The following LRRC8C variants were observed in gnomAD, a reference collection of about 807,000 sequenced individuals.
The protein encoded by LRRC8C is leucine rich repeat containing 8 VRAC subunit C.
LRRC8C carries 20 observed loss-of-function variants against 55.3 expected under a neutral mutation model. The observed-to-expected ratio is 0.36, with a 90% CI of 0.25 to 0.53. The LOEUF (loss-of-function observed/expected upper bound fraction) is 0.53. Ranked by LOEUF, LRRC8C falls within the 20% of genes least tolerant of loss-of-function variation. The pLI is 0.92. For missense variants in LRRC8C, 659 were observed against 951.4 expected (o/e 0.69, Z 4.04); for synonymous variants, 376 against 360.7 (o/e 1.04, Z -0.48).
chr1:89,661,745 T>C (rs1657129491), intron 1 of LRRC8C, among the ~76,000 whole-genome samples: 2 of 152,158 alleles, frequency 1.3e-5, no homozygotes, highest in Admixed American at 1.3e-4. Flanking sequence ...ATATAGTATG[T>C]TCAAAGGTGT....
At chr1:89,687,504 A>C (rs1167663402) in intron 2 of LRRC8C, among the ~76,000 whole-genome samples, 1 of 152,210 alleles carries the variant, frequency 6.6e-6, no homozygotes, top group East Asian at 1.9e-4. Context: ...AGCTGAAGCC[A>C]TGCTTGCAAA....
At chr1:89,682,101 C>T (rs1036267866) in intron 1 of LRRC8C, among the ~76,000 whole-genome samples, 5 of 152,010 alleles carry the variant, frequency 3.3e-5, no homozygotes, top group Non-Finnish European at 5.9e-5. Flanking sequence ...GGCGTGAACC[C>T]GGGAGGCGGA....
At chr1:89,639,519 T>TC (rs1171843469) in intron 1 of LRRC8C, among the ~76,000 whole-genome samples, 1 of 152,024 alleles carries the variant, frequency 6.6e-6, no homozygotes, top group Non-Finnish European at 1.5e-5. Flanking sequence ...CATGCTCCCT[T>TC]CCCCCCCAAC....
At chr1:89,691,708 A>G (rs1314019066) in intron 2 of LRRC8C, among the ~76,000 whole-genome samples, 2 of 152,298 alleles carry the variant, frequency 1.3e-5, no homozygotes, top group East Asian at 3.9e-4. Flanking sequence ...TGAGATTCCA[A>G]TCTTAGGCTG....
chr1:89,632,484 T>G (rs1656133957), upstream of LRRC8C, among the ~76,000 whole-genome samples: 1 of 151,994 alleles, frequency 6.6e-6, no homozygotes, highest in South Asian at 2.1e-4. Flanking sequence ...GGATATTGGG[T>G]TTTGCTTTTC....
intron 1 of LRRC8C, among the ~76,000 whole-genome samples, chr1:89,682,403 C>T (rs1657740809): frequency 3.3e-5 from 5 of 152,182 alleles, no homozygotes; most frequent in Admixed American, 2.6e-4. Context: ...CAGAGAACCT[C>T]ACCTGTTGTG....
chr1:89,683,617 A>G (rs1466496640), intron 1 of LRRC8C, among the ~76,000 whole-genome samples: 1 of 152,122 alleles, frequency 6.6e-6, no homozygotes, highest in Non-Finnish European at 1.5e-5. Context: ...TGGCCTCTCA[A>G]AGTGCTGGGA....
At chr1:89,702,007 A>G (rs1658343361) in intron 2 of LRRC8C, among the ~76,000 whole-genome samples, 1 of 152,132 alleles carries the variant, frequency 6.6e-6, no homozygotes, top group African/African-American at 2.4e-5. Flanking sequence ...CTCACTCCCA[A>G]AAAGAAGCTG....
the LRRC8C span, among the ~76,000 whole-genome samples, chr1:89,620,600 A>G: frequency 7.1e-6 from 1 of 140,616 alleles, no homozygotes; most frequent in African/African-American, 2.6e-5. Context: ...AAAAAAAAAT[A>G]GGCGATTTCC....
intron 1 of LRRC8C, among the ~76,000 whole-genome samples, chr1:89,644,884 G>A (rs754801961): frequency 2.0e-5 from 3 of 152,180 alleles, no homozygotes; most frequent in Non-Finnish European, 2.9e-5. Context: ...AGACAGTTTA[G>A]TTTCAGTATA....
chr1:89,670,495 A>G (rs965506510), intron 1 of LRRC8C, among the ~76,000 whole-genome samples: 2 of 152,094 alleles, frequency 1.3e-5, no homozygotes, highest in Non-Finnish European at 2.9e-5. Flanking sequence ...TTTTCTTTCT[A>G]TAATCATAGC....
intron 1 of LRRC8C, among the ~76,000 whole-genome samples, chr1:89,638,487 T>G (rs201258065): frequency 2.1e-5 from 3 of 146,190 alleles, no homozygotes; most frequent in Non-Finnish European, 3.0e-5. Context: ...TGTCCCCCGC[T>G]TGAGAACACA....
intron 1 of LRRC8C, among the ~76,000 whole-genome samples, chr1:89,673,562 C>T (rs1234811275): frequency 6.6e-6 from 1 of 152,158 alleles, no homozygotes; most frequent in Non-Finnish European, 1.5e-5. Context: ...CTTTATATTT[C>T]TTCCTCTACT....
chr1:89,686,051 GC>G (rs1331490197), intron 1 of LRRC8C, among the ~76,000 whole-genome samples: 3,110 of 119,818 alleles, frequency 0.026, 109 homozygotes, highest in African/African-American at 0.099. Flanking sequence ...ATGGTTTAAA[GC>G]AAAAAAAAAA....
At chr1:89,704,375 T>C (rs1449870626) in intron 2 of LRRC8C, among the ~76,000 whole-genome samples, 1 of 152,170 alleles carries the variant, frequency 6.6e-6, no homozygotes, top group Non-Finnish European at 1.5e-5. Flanking sequence ...CAGTAAATTA[T>C]AGCACATCCA....
intron 1 of LRRC8C, among the ~76,000 whole-genome samples, chr1:89,651,070 C>A (rs1291643205): frequency 6.6e-6 from 1 of 152,104 alleles, no homozygotes; most frequent in African/African-American, 2.4e-5. Flanking sequence ...AGCATATATG[C>A]CATGAAGTAC....
intron 1 of LRRC8C, among the ~76,000 whole-genome samples, chr1:89,669,425 C>T (rs1486342381): frequency 6.6e-6 from 1 of 152,056 alleles, no homozygotes; most frequent in Non-Finnish European, 1.5e-5. Flanking sequence ...GCGGGTAGAT[C>T]TTATATTGTG....
At chr1:89,624,782 A>G in the LRRC8C span, 1 of 152,234 alleles carries the variant, frequency 6.6e-6, no homozygotes, top group African/African-American at 2.4e-5. Context: ...TTCTTTTGGA[A>G]TGTTGATAGG....
At chr1:89,663,592 G>A (rs533108017) in intron 1 of LRRC8C, among the ~76,000 whole-genome samples, 2 of 151,144 alleles carry the variant, frequency 1.3e-5, no homozygotes, top group African/African-American at 4.9e-5. Context: ...AAAAATACAT[G>A]TGCATGTGTC....
Sources: allele counts gnomAD v4.1 joint callset (sites outside exome capture counted in the v4.1 genomes callset), GRCh38; gene constraint gnomAD v4.1.1; transcripts MANE v1.5; gene names NCBI Gene and HGNC (gene_info 2026-07-23, HGNC 2026-07-21).